The following MYO1D variants were observed in gnomAD, a reference collection of about 807,000 sequenced individuals.
The protein encoded by MYO1D is myosin ID, also known as unconventional myosin-Id.
MYO1D carries 83 observed loss-of-function variants against 122.0 expected under a neutral mutation model. The observed-to-expected ratio is 0.68, with a 90% CI of 0.57 to 0.82. The LOEUF is 0.82. Among genes scored for constraint, MYO1D ranks in the 40% least tolerant of loss-of-function variants. The pLI, the probability that MYO1D is intolerant of heterozygous loss-of-function variation, is 0.00. For missense variants in MYO1D, 1,157 were observed against 1,269.5 expected, an observed-to-expected ratio of 0.91 and a Z score of 1.35; for synonymous variants, 464 against 446.9, an observed-to-expected ratio of 1.04 and a Z score of -0.48.
At chr17:32,508,330 A>T (rs906242262) in intron 21 of MYO1D, among the ~76,000 whole-genome samples, 9 of 151,986 alleles carry the variant, frequency 5.9e-5, no homozygotes, top group African/African-American at 2.2e-4. Context: ...GCTGGAGTAC[A>T]GTGGTGCCAT....
intron 21 of MYO1D, among the ~76,000 whole-genome samples, chr17:32,535,814 C>T (rs570146900): frequency 7.9e-5 from 12 of 152,218 alleles, no homozygotes; most frequent in African/African-American, 1.9e-4. Context: ...AACTCAATAG[C>T]GTTTAGATAA....
chr17:32,603,491 CTTCT>C (rs2087586286), intron 21 of MYO1D, among the ~76,000 whole-genome samples: 1 of 147,134 alleles, frequency 6.8e-6, no homozygotes. Context: ...GCAGAGATGC[CTTCT>C]TTATGTCTTT....
intron 21 of MYO1D, among the ~76,000 whole-genome samples, chr17:32,525,903 G>A (rs1910324679): frequency 6.6e-6 from 1 of 152,156 alleles, no homozygotes; most frequent in Admixed American, 6.5e-5. Context: ...TTCTCGCTAG[G>A]TCATTCAGCT....
intron 21 of MYO1D, among the ~76,000 whole-genome samples, chr17:32,565,423 A>C (rs1287839154): frequency 6.6e-6 from 1 of 152,154 alleles, no homozygotes; most frequent in Non-Finnish European, 1.5e-5. Context: ...CCATCCCCCT[A>C]AAACCTCACC....
chr17:32,563,868 G>C (rs1026201830), intron 21 of MYO1D, among the ~76,000 whole-genome samples: 2 of 152,164 alleles, frequency 1.3e-5, no homozygotes, highest in African/African-American at 4.8e-5. Flanking sequence ...TTGACTTAGC[G>C]TATTTAGTTT....
intron 19 of MYO1D, among the ~76,000 whole-genome samples, chr17:32,644,391 T>C (rs1400052286): frequency 1.3e-5 from 2 of 152,204 alleles, no homozygotes; most frequent in East Asian, 1.9e-4. Flanking sequence ...GTATATTCTG[T>C]TGATTTGGGG....
intron 20 of MYO1D, among the ~76,000 whole-genome samples, chr17:32,607,560 C>T (rs1315585835): frequency 6.6e-6 from 1 of 151,958 alleles, no homozygotes. Context: ...GACTAGAAAA[C>T]CCAAATTCTT....
At chr17:32,718,174 T>C (rs189574080) in intron 15 of MYO1D, among the ~76,000 whole-genome samples, 65 of 152,316 alleles carry the variant, frequency 4.3e-4, no homozygotes, top group African/African-American at 1.5e-3. Flanking sequence ...AATATACACA[T>C]TTAAGTATAT....
chr17:32,834,017 C>G (rs547018488), intron 1 of MYO1D, among the ~76,000 whole-genome samples: 4 of 152,258 alleles, frequency 2.6e-5, no homozygotes, highest in Admixed American at 1.3e-4. Flanking sequence ...TGTCTCCCCC[C>G]ACTAGAATTA....
At chr17:32,537,546 A>G (rs1369350463) in intron 21 of MYO1D, among the ~76,000 whole-genome samples, 5 of 152,272 alleles carry the variant, frequency 3.3e-5, no homozygotes, top group Admixed American at 3.3e-4. Flanking sequence ...CAGGGGCTAC[A>G]CATGCCAGTA....
Position 32,733,258 on chromosome 17 carries a change from T to A in MYO1D, c.1746+4995A>T, listed in dbSNP as rs1598049370. ...GCACAAAGGTTTCTGGCGAGAAAAG[T>A]CACACCCCAAGGATTCTGTGACAGT... On this transcript the variant is annotated intron_variant, in intron 14 of 21. Transcript: ENST00000318217. Among the ~76,000 whole-genome samples the A allele has an allele frequency of 2.6e-5, 4 of 152,208 alleles. 1 individual carries two copies. Among genetic ancestry groups the A allele is most frequent in the Admixed American group, 2.6e-4 (4 of 15,288 alleles).
rs371222651 is a variant in MYO1D at position 32,792,158 on chromosome 17, T to G, written c.96-11374A>C. Among the ~76,000 whole-genome samples, 11 of 152,364 alleles carry G rather than the reference T, an allele frequency of 7.2e-5. No homozygotes were observed. In the East Asian group the frequency reaches 1.2e-3, roughly 16 times the overall value. ...AAGTATAAATACAATGGTAGCTATTTCTTTGTGCATATGTGTATGTATATC... is the reference window on the plus strand; with the variant it reads ...AAGTATAAATACAATGGTAGCTATTGCTTTGTGCATATGTGTATGTATATC... On this transcript the variant is annotated intron_variant, in intron 1 of 21. Coordinates refer to ENST00000318217, the MANE Select transcript of MYO1D (RefSeq NM_015194.3).
At position 32,745,983 on chromosome 17, in the gene MYO1D, G is replaced by C. The variant is rs538941362; in HGVS notation, c.1539-698C>G. 4.6e-5 allele frequency among the ~76,000 whole-genome samples: 7 copies of C among 152,316 alleles called. No homozygotes were observed. The East Asian group carries it at 1.3e-3, about 29-fold the overall frequency. On this transcript the variant is annotated intron_variant, in intron 12 of 21. Coordinates refer to ENST00000318217, the MANE Select transcript of MYO1D (RefSeq NM_015194.3). ...TTATAAAAGTAATTGACAACTCTGG[G>C]TGATTAAGACAGAGGCTAGGAGATT...
intron 21 of MYO1D, among the ~76,000 whole-genome samples, chr17:32,524,363 G>GTTATGGAAAAACAACTTACATTAC (rs1910265110): frequency 6.6e-6 from 1 of 152,064 alleles, no homozygotes; most frequent in East Asian, 1.9e-4. Context: ...TCAGGCGTAG[G>GTTATGGAAAAACAACTTACATTAC]ATGGAAAAAA....
intron 19 of MYO1D, among the ~76,000 whole-genome samples, chr17:32,649,182 C>T (rs1011800883): frequency 7.9e-5 from 12 of 152,050 alleles, no homozygotes; most frequent in Non-Finnish European, 1.5e-4. Context: ...TTAAAAAATT[C>T]GGTAAAATAC....
intron 1 of MYO1D, among the ~76,000 whole-genome samples, chr17:32,781,231 T>G (rs139475856): frequency 6.6e-6 from 1 of 152,218 alleles, no homozygotes; most frequent in Non-Finnish European, 1.5e-5. Context: ...ACTAAAATGT[T>G]AGTAAATTAA....
intron 1 of MYO1D, among the ~76,000 whole-genome samples, chr17:32,833,428 AC>A (rs1366415137): frequency 3.3e-5 from 5 of 152,032 alleles, no homozygotes; most frequent in Admixed American, 6.6e-5. Flanking sequence ...AGTCACTATC[AC>A]CTCTCCCACC....
intron 21 of MYO1D, among the ~76,000 whole-genome samples, chr17:32,559,794 ATATC>A (rs1388291594): frequency 5.0e-4 from 76 of 152,092 alleles, no homozygotes; most frequent in African/African-American, 1.8e-3. Flanking sequence ...CTTTTTATTG[ATATC>A]TATCATTAAT....
In MYO1D at chr17:32,795,329, G is replaced by A. The variant is rs577760838; in HGVS notation, c.96-14545C>T. Among the ~76,000 whole-genome samples, 7 of 152,060 alleles carry A rather than the reference G, an allele frequency of 4.6e-5. No homozygotes were observed. The South Asian group carries it at 1.5e-3, about 32-fold the overall frequency. ...CCACACCATCACGGCCAGCAAACAC[G>A]GCAAGGAGAACACATACTTCATTGC... On this transcript the variant is annotated intron_variant, in intron 1 of 21. Transcript: ENST00000318217.
Sources: gnomAD v4.1 joint callset for allele counts (sites outside exome capture counted in the v4.1 genomes callset) on GRCh38, gnomAD v4.1.1 for gene constraint, MANE v1.5 for transcripts, NCBI Gene and HGNC (gene_info 2026-07-23, HGNC 2026-07-21) for gene names.